Variants in ODAD2 observed in about 807,000 individuals in gnomAD.
The protein encoded by ODAD2 is outer dynein arm docking complex subunit 2, also known as outer dynein arm-docking complex subunit 2.
ODAD2 carries 89 observed loss-of-function variants against 106.8 expected under a neutral mutation model. That is an observed-to-expected ratio of 0.83 (90% CI 0.70 to 0.99). ODAD2 has a LOEUF of 0.99. Among genes scored for constraint, ODAD2 ranks in the 50% least tolerant of loss-of-function variants. The pLI, the probability that ODAD2 is intolerant of heterozygous loss-of-function variation, is 0.00. For synonymous variants in ODAD2, 404 were observed against 436.2 expected (o/e 0.93, Z 0.92); for missense variants, 1,168 against 1,238.5 (o/e 0.94, Z 0.85).
At chr10:27,853,317 A>G (rs768707558) in intron 19 of ODAD2, 19 of 273,608 alleles carry the variant, frequency 6.9e-5, no homozygotes, top group South Asian at 1.1e-4. Context: ...CAGTGAGCCA[A>G]GATCGTTGTC....
At chr10:27,927,284 T>C (rs1454994852) in intron 16 of ODAD2, among the ~76,000 whole-genome samples, 1 of 152,138 alleles carries the variant, frequency 6.6e-6, no homozygotes, top group Non-Finnish European at 1.5e-5. Context: ...TATCCTGATA[T>C]GTGACCCAAG....
intron 17 of ODAD2, among the ~76,000 whole-genome samples, chr10:27,896,900 C>G (rs1257196123): frequency 6.6e-6 from 1 of 152,098 alleles, no homozygotes; most frequent in African/African-American, 2.4e-5. Context: ...CTAGAAAAAA[C>G]TATGAATCCT....
intron 19 of ODAD2, among the ~76,000 whole-genome samples, chr10:27,850,932 G>A (rs536107722): frequency 2.0e-5 from 3 of 152,190 alleles, no homozygotes; most frequent in Non-Finnish European, 4.4e-5. Flanking sequence ...TGAGGAGACA[G>A]AGCTGGAAGT....
intron 1 of ODAD2, among the ~76,000 whole-genome samples, 186 bp downstream of exon 1, chr10:27,998,808 G>A (rs1850712664): frequency 1.3e-5 from 2 of 152,108 alleles, no homozygotes; most frequent in African/African-American, 2.4e-5. Flanking sequence ...CTCACCTGCA[G>A]CACCCTGCCC....
chr10:27,865,498 C>A (rs945277638), intron 17 of ODAD2, among the ~76,000 whole-genome samples: 5 of 152,158 alleles, frequency 3.3e-5, no homozygotes, highest in Admixed American at 6.5e-5. Context: ...CTTTCCTGAA[C>A]CTCAAGTCTG....
Position 27,983,840 on chromosome 10 carries a change from T to C in ODAD2, c.819+3A>G. 2 of 1,613,210 alleles carry C rather than the reference T, an allele frequency of 1.2e-6. No individual in the cohort carries two copies. The highest frequency in any genetic ancestry group is 1.7e-6 in the Non-Finnish European group (2 of 1,179,700). On this transcript the variant is annotated splice_donor_region_variant and intron_variant, in intron 6 of 19. Coordinates refer to ENST00000305242, the MANE Select transcript of ODAD2 (RefSeq NM_018076.5). ...TTAGTTACGTTTTTAAAAATTTACT[T>C]ACACCATTTAAAAATACTCCTCCTG...
chr10:27,997,894 A>T (rs56086075), intron 1 of ODAD2, among the ~76,000 whole-genome samples: 5,226 of 152,316 alleles, frequency 0.034, 333 homozygotes, highest in African/African-American at 0.12. Context: ...TGAAGTAAAG[A>T]AAGTAAGTTT....
chr10:27,935,159 T>G lies in ODAD2; in HGVS notation c.2346A>C (p.Glu782Asp), dbSNP rs1451088538. ...VLVNVVGALG[E>D]CCQERENRVI... is the part of the protein sequence containing the mutation. ...CTCGGTTTTCACGTTCTTGGCAGCA[T>G]TCTCCCAAGGCCCCAACCACATTCA... The change falls in exon 16 of 20, where the codon GAA becomes GAC. Residue 782 changes from glutamate to aspartate, a missense_variant. Glu to Asp is a conservative substitution (Grantham distance 45, BLOSUM62 2). This residue lies in a region of ODAD2 where 701 missense variants were observed against 712.3 expected (regional missense o/e 0.98). Transcript: ENST00000305242. 6.2e-7 allele frequency: 1 copy of G among 1,614,016 alleles called. No homozygotes were observed. Among genetic ancestry groups the G allele is most frequent in the Non-Finnish European group, 8.5e-7 (1 of 1,179,902 alleles).
intron 10 of ODAD2, among the ~76,000 whole-genome samples, chr10:27,958,351 T>C (rs150779574): frequency 6.5e-4 from 99 of 152,334 alleles, no homozygotes; most frequent in Middle Eastern, 3.4e-3. Flanking sequence ...AGTTATCCAG[T>C]AATTAGGCTA....
intron 7 of ODAD2, among the ~76,000 whole-genome samples, chr10:27,974,191 C>T (rs1191170106): frequency 2.0e-5 from 3 of 152,116 alleles, no homozygotes; most frequent in Non-Finnish European, 1.5e-5. Context: ...TTGTCAGATG[C>T]ACAGCTTGCA....
intron 17 of ODAD2, among the ~76,000 whole-genome samples, chr10:27,874,370 T>A (rs979818012): frequency 6.6e-6 from 1 of 152,210 alleles, no homozygotes. Flanking sequence ...AGGTTAATAT[T>A]GTTATGTGTG....
At chr10:27,893,840 T>C (rs915415393) in intron 17 of ODAD2, among the ~76,000 whole-genome samples, 3 of 152,266 alleles carry the variant, frequency 2.0e-5, no homozygotes, top group African/African-American at 7.2e-5. Context: ...ATCCCTACTG[T>C]CCCTCAGAAT....
At chr10:27,961,812 C>G (rs1306598829) in intron 9 of ODAD2, 97 bp from the exon 10 acceptor site, 1 of 1,049,454 alleles carries the variant, frequency 9.5e-7, no homozygotes. Context: ...TGCCTATAAT[C>G]TCAGTGCTTT....
chr10:27,888,272 C>T (rs1589932560), intron 17 of ODAD2, among the ~76,000 whole-genome samples: 1 of 152,080 alleles, frequency 6.6e-6, no homozygotes. Context: ...AATTTACATT[C>T]CCACCAACAG....
chr10:27,844,979 A>T (rs914643954), intron 19 of ODAD2, among the ~76,000 whole-genome samples: 19 of 152,120 alleles, frequency 1.2e-4, no homozygotes, highest in African/African-American at 4.6e-4. Context: ...GGCACATTCA[A>T]TTTTTCCCAA....
chr10:27,924,021 A>AGAAAGAAAGAAG (rs1845037100), intron 16 of ODAD2, among the ~76,000 whole-genome samples: 2 of 139,274 alleles, frequency 1.4e-5, no homozygotes, highest in Admixed American at 7.2e-5. Flanking sequence ...AAAGAAAGAA[A>AGAAAGAAAGAAG]GAAGGAAAGA....
At chr10:27,864,237 G>A (rs1043947449) in intron 17 of ODAD2, among the ~76,000 whole-genome samples, 16 of 151,442 alleles carry the variant, frequency 1.1e-4, no homozygotes, top group African/African-American at 3.4e-4. Context: ...TGATTCCCAC[G>A]TCTCTGGCTC....
At chr10:27,933,985 G>C (rs1367557635) in intron 16 of ODAD2, among the ~76,000 whole-genome samples, 1 of 152,172 alleles carries the variant, frequency 6.6e-6, no homozygotes, top group Non-Finnish European at 1.5e-5. Flanking sequence ...TTGTGGGAGA[G>C]ACCCGGTGGG....
chr10:27,909,560 G>A (rs954183064), intron 16 of ODAD2, among the ~76,000 whole-genome samples: 7 of 152,084 alleles, frequency 4.6e-5, no homozygotes, highest in African/African-American at 1.4e-4. Context: ...ACTCACACCT[G>A]TAATCCCAAC....
Sources: gnomAD v4.1 joint callset for allele counts (sites outside exome capture counted in the v4.1 genomes callset) on GRCh38, gnomAD v4.1.1 for gene constraint, gnomAD v4.1.1 regional missense constraint, MANE v1.5 for transcripts, NCBI Gene and HGNC (gene_info 2026-07-23, HGNC 2026-07-21) for gene names.